NIPSNAP1: variants seen among roughly 807,000 people sequenced by gnomAD.
NIPSNAP1 encodes protein NipSnap homolog 1.
Under a neutral mutation model 49.2 loss-of-function variants are expected in NIPSNAP1, and 25 were observed. The ratio of observed to expected loss-of-function variants is 0.51; its 90% CI spans 0.37 to 0.71. The LOEUF is 0.71. NIPSNAP1 is among the 30% of genes least tolerant of loss of function. The probability of loss-of-function intolerance (pLI) is 0.00; values close to 1 mark genes in which losing one functional copy is unlikely to be tolerated. For missense variants in NIPSNAP1, 294 were observed against 361.0 expected, an observed-to-expected ratio of 0.81 and a Z score of 1.50; for synonymous variants, 143 against 140.7, an observed-to-expected ratio of 1.02 and a Z score of -0.12.
rs1328153652 is a variant in NIPSNAP1, at chr22:29,554,901, AG to A, written c.*1033del. ...TCAAGCTACCCAAGGGTTCATGATGAGGTATGGGGGTCACTGAGGAGACCCC... is the reference window on the plus strand; with the variant it reads ...TCAAGCTACCCAAGGGTTCATGATGAGTATGGGGGTCACTGAGGAGACCCC... On this transcript the variant is annotated 3_prime_UTR_variant, in exon 10 of 10. Coordinates refer to ENST00000216121, the MANE Select transcript of NIPSNAP1 (RefSeq NM_003634.4). The A allele has an allele frequency of 1.3e-5, 2 of 152,674 alleles. No individual in the cohort carries two copies. The highest frequency in any genetic ancestry group is 2.9e-5 in the Non-Finnish European group (2 of 68,058). The allele number at this position is 152,674 out of a possible 1,614,324, so 9.5% of individuals were successfully genotyped here. A position where few individuals can be genotyped will look rare whatever the true frequency, so the allele number is the denominator to read the frequency against.
At chr22:29,561,909 G>A (rs1370255370) in intron 4 of NIPSNAP1, 47 bp from the exon 5 acceptor site, 4 of 1,590,470 alleles carry the variant, frequency 2.5e-6, no homozygotes, top group Non-Finnish European at 3.5e-6. Context: ...GGGACCCCCA[G>A]CAGATGACCT....
intron 9 of NIPSNAP1, 35 bp downstream of exon 9, chr22:29,558,835 G>T (rs1221941768): frequency 6.8e-7 from 1 of 1,469,036 alleles, no homozygotes; most frequent in African/African-American, 1.4e-5. Context: ...CTCAGACAGG[G>T]TTCTCAGCAG....
At chr22:29,564,850 G>C in intron 4 of NIPSNAP1, among the ~76,000 whole-genome samples, 1 of 152,088 alleles carries the variant, frequency 6.6e-6, no homozygotes, top group South Asian at 2.1e-4. Context: ...ACTATGTGAG[G>C]GACTGAACTT....
chr22:29,566,970 A>T (rs1364629493), intron 4 of NIPSNAP1, among the ~76,000 whole-genome samples: 1 of 152,008 alleles, frequency 6.6e-6, no homozygotes. Flanking sequence ...AAAAATACAA[A>T]AATTAGCCAA....
intron 4 of NIPSNAP1, among the ~76,000 whole-genome samples, chr22:29,568,792 T>G (rs1186602186): frequency 6.6e-6 from 1 of 151,134 alleles, no homozygotes. Flanking sequence ...AAACTCAGTC[T>G]CGGAAAAAAA....
chr22:29,577,902 T>A (rs1236446363), intron 1 of NIPSNAP1, among the ~76,000 whole-genome samples: 1 of 145,758 alleles, frequency 6.9e-6, no homozygotes, highest in African/African-American at 2.7e-5. Flanking sequence ...CTAATTTTTT[T>A]TTTTTTTTTT....
intron 8 of NIPSNAP1, among the ~76,000 whole-genome samples, chr22:29,560,445 A>C (rs1342447533): frequency 1.3e-5 from 2 of 151,852 alleles, no homozygotes; most frequent in Non-Finnish European, 2.9e-5. Context: ...ATGGGGTTTC[A>C]CCATATTGGC....
chr22:29,580,079 G>A (rs989279717), intron 1 of NIPSNAP1: 1 of 1,303,736 alleles, frequency 7.7e-7, no homozygotes. Context: ...GGTTGGGGGA[G>A]GGGGAACAGG....
chr22:29,576,385 A>T (rs1001717237), intron 1 of NIPSNAP1, among the ~76,000 whole-genome samples: 1 of 138,278 alleles, frequency 7.2e-6, no homozygotes, highest in Non-Finnish European at 1.6e-5. Context: ...AAAATTAAAA[A>T]CAAAAAAAAA....
chr22:29,560,472 T>G (rs2064327714), intron 8 of NIPSNAP1, among the ~76,000 whole-genome samples: 1 of 152,158 alleles, frequency 6.6e-6, no homozygotes, highest in African/African-American at 2.4e-5. Flanking sequence ...GGTCTCGATC[T>G]CTTGACCTTG....
chr22:29,557,002 G>A (rs1304868196), intron 9 of NIPSNAP1, among the ~76,000 whole-genome samples: 1 of 152,198 alleles, frequency 6.6e-6, no homozygotes, highest in African/African-American at 2.4e-5. Flanking sequence ...GCCCACCTCA[G>A]CCTCCCAAAG....
At position 29,570,473 on chromosome 22, in the gene NIPSNAP1, T is replaced by C; in HGVS notation, c.158A>G (p.Asp53Gly). 1.2e-6 allele frequency: 2 copies of C among 1,614,132 alleles called. No homozygotes were observed. The highest frequency in any genetic ancestry group is 1.7e-6 in the Non-Finnish European group (2 of 1,180,022). The change falls in exon 2 of 10, where the codon GAT (aspartate) becomes GGT (glycine). Residue 53 changes from aspartate (D) to glycine (G), a missense_variant. Asp to Gly is a moderately conservative substitution (Grantham distance 94, BLOSUM62 -1). Coordinates refer to ENST00000216121, the MANE Select transcript of NIPSNAP1 (RefSeq NM_003634.4). ...GGTGGAGTGGGCATCCTTCCGGGGA[T>C]CCACTTTGTGAACAAAGAGGGAGCG... ...WFRSLFVHKV[D>G]PRKDAHSTLL... is the part of the protein sequence containing the mutation.
chr22:29,557,898 G>C (rs2064307141), intron 9 of NIPSNAP1, among the ~76,000 whole-genome samples: 1 of 152,112 alleles, frequency 6.6e-6, no homozygotes, highest in South Asian at 2.1e-4. Context: ...CACACAGTGA[G>C]GGCTTAATTA....
chr22:29,572,117 G>C (rs746369815), intron 1 of NIPSNAP1, among the ~76,000 whole-genome samples: 4 of 151,454 alleles, frequency 2.6e-5, no homozygotes, highest in Non-Finnish European at 5.9e-5. Context: ...AGCCTGCCCA[G>C]CATGGCGAAA....
intron 1 of NIPSNAP1, among the ~76,000 whole-genome samples, chr22:29,571,979 T>C (rs192171486): frequency 3.4e-4 from 52 of 152,238 alleles, no homozygotes; most frequent in Non-Finnish European, 5.3e-4. Context: ...TCGGCTGCCC[T>C]ATCCCTTTTT....
intron 1 of NIPSNAP1, chr22:29,579,829 C>T (rs1030859990): frequency 6.1e-6 from 2 of 328,306 alleles, no homozygotes; most frequent in Non-Finnish European, 1.2e-5. Flanking sequence ...TGAGGTCACC[C>T]CACCTACAAA....
In NIPSNAP1 at chr22:29,555,741, A is replaced by T. The variant is rs1221218336; in HGVS notation, c.*194T>A. On this transcript the variant is annotated 3_prime_UTR_variant, in exon 10 of 10. Transcript: ENST00000216121. ...AGCAGGGGGAGGGAGGCAGGCAGGG[A>T]AAGTAGAAAGGGCCTGGGCAGAGCT... 4 of 607,828 alleles carry T rather than the reference A, an allele frequency of 6.6e-6. No individual in the cohort carries two copies. The East Asian group carries it at 1.1e-4, about 17-fold the overall frequency. The allele number at this position is 607,828 out of a possible 1,614,324, so 37.7% of individuals were successfully genotyped here.
intron 4 of NIPSNAP1, among the ~76,000 whole-genome samples, chr22:29,568,833 A>C (rs1291505559): frequency 1.3e-5 from 2 of 152,228 alleles, no homozygotes; most frequent in Non-Finnish European, 2.9e-5. Flanking sequence ...CAGGTAAAGC[A>C]GGCAAACAAG....
intron 4 of NIPSNAP1, among the ~76,000 whole-genome samples, chr22:29,566,152 C>A (rs1475978330): frequency 2.8e-5 from 2 of 70,334 alleles, no homozygotes; most frequent in Admixed American, 1.4e-4. Context: ...TTTTTAAAAT[C>A]TTTTCTTCTT....
Sources: allele counts gnomAD v4.1 joint callset (sites outside exome capture counted in the v4.1 genomes callset), GRCh38; gene constraint gnomAD v4.1.1; transcripts MANE v1.5; gene names NCBI Gene and HGNC (gene_info 2026-07-23, HGNC 2026-07-21).